The following NDUFAB1 variants were observed in gnomAD, a reference collection of about 807,000 sequenced individuals.
The protein encoded by NDUFAB1 is NADH:ubiquinone oxidoreductase subunit AB1.
A neutral mutation model predicts 16.1 loss-of-function variants in NDUFAB1; 5 were observed. The ratio of observed to expected loss-of-function variants is 0.31; its 90% confidence interval spans 0.16 to 0.65. The LOEUF is 0.65. Among genes scored for constraint, NDUFAB1 ranks in the 30% least tolerant of loss-of-function variants. The pLI, the probability that NDUFAB1 is intolerant of heterozygous loss-of-function variation, is 0.77. For missense variants in NDUFAB1, 187 were observed against 205.3 expected, an observed-to-expected ratio of 0.91 and a Z score of 0.54; for synonymous variants, 85 against 78.4, an observed-to-expected ratio of 1.08 and a Z score of -0.44.
Position 23,587,062 on chromosome 16 carries a change from T to C in NDUFAB1, c.291+135A>G. 7.6e-6 allele frequency: 6 copies of C among 785,642 alleles called. No homozygotes were observed. In the South Asian group the frequency reaches 8.8e-5, roughly 11 times the overall value. 48.7% of individuals were successfully genotyped at this position (785,642 alleles called of 1,614,324 possible). A position where few individuals can be genotyped will look rare whatever the true frequency, so the allele number is the denominator to read the frequency against. ...GAAACATACATGAAACTGGTAGCGCTGGCTATCTCCCAGAATGGGCCTGGG... is the reference window on the plus strand; with the variant it reads ...GAAACATACATGAAACTGGTAGCGCCGGCTATCTCCCAGAATGGGCCTGGG... On this transcript the variant is annotated intron_variant, in intron 2 of 4. Coordinates refer to ENST00000007516, the MANE Select transcript of NDUFAB1 (RefSeq NM_005003.3).
At chr16:23,582,927 C>T (rs1222631028) in intron 3 of NDUFAB1, among the ~76,000 whole-genome samples, 1 of 152,054 alleles carries the variant, frequency 6.6e-6, no homozygotes, top group African/African-American at 2.4e-5. Flanking sequence ...CCTGATTCTC[C>T]TGCCTCGGCC....
At chr16:23,596,097 G>A in intron 1 of NDUFAB1, 26 bp downstream of exon 1, 2 of 1,597,650 alleles carry the variant, frequency 1.3e-6, no homozygotes, top group East Asian at 2.3e-5. Flanking sequence ...CCCTTGCCAA[G>A]CGGCAGCAAA....
intron 2 of NDUFAB1, among the ~76,000 whole-genome samples, chr16:23,585,837 C>A (rs1264279690): frequency 3.9e-5 from 6 of 152,108 alleles, no homozygotes; most frequent in Admixed American, 2.6e-4. Flanking sequence ...TTATATGTAA[C>A]CTATGCTAGT....
At chr16:23,595,162 G>T (rs1217555826) in intron 1 of NDUFAB1, among the ~76,000 whole-genome samples, 1 of 152,110 alleles carries the variant, frequency 6.6e-6, no homozygotes, top group Non-Finnish European at 1.5e-5. Context: ...TGAGGGAGGA[G>T]AATTGCTTGA....
intron 3 of NDUFAB1, among the ~76,000 whole-genome samples, chr16:23,584,972 G>A (rs373360893): frequency 4.1e-4 from 62 of 152,338 alleles, no homozygotes; most frequent in African/African-American, 1.2e-3. Flanking sequence ...TACCTGGTTC[G>A]CGTTACCCGA....
Position 23,585,559 on chromosome 16 carries a change from C to G in NDUFAB1, c.292-136G>C. The G allele has an allele frequency of 7.8e-6, 5 of 637,694 alleles. 1 individual carries two copies. In the South Asian group the frequency reaches 9.0e-5, roughly 12 times the overall value. The allele number at this position is 637,694 out of a possible 1,614,324, so 39.5% of individuals were successfully genotyped here. A position where few individuals can be genotyped will look rare whatever the true frequency, so the allele number is the denominator to read the frequency against. Reference sequence around the variant, plus strand: ...TAAGTTTTAGGGTACATGTGCACAACGTGCAGGTTTGTTACATAGGTATAC... The same window carrying G: ...TAAGTTTTAGGGTACATGTGCACAAGGTGCAGGTTTGTTACATAGGTATAC... On this transcript the variant is annotated intron_variant, in intron 2 of 4. Coordinates refer to ENST00000007516, the MANE Select transcript of NDUFAB1 (RefSeq NM_005003.3).
At chr16:23,589,309 A>C (rs1194028031) in intron 1 of NDUFAB1, among the ~76,000 whole-genome samples, 1 of 152,096 alleles carries the variant, frequency 6.6e-6, no homozygotes, top group Non-Finnish European at 1.5e-5. Context: ...GAAAAAAAAA[A>C]AAAAAATCAG....
intron 1 of NDUFAB1, among the ~76,000 whole-genome samples, chr16:23,589,954 A>G (rs1490246763): frequency 1.5e-5 from 2 of 137,234 alleles, no homozygotes; most frequent in Non-Finnish European, 3.2e-5. Context: ...AAAAAAAAAA[A>G]AAAAAAAAAA....
intron 1 of NDUFAB1, 136 bp from the exon 2 acceptor site, chr16:23,587,455 CCAGGACA>C: frequency 9.3e-7 from 1 of 1,074,748 alleles, no homozygotes; most frequent in Non-Finnish European, 1.3e-6. Flanking sequence ...ATTGTGGCCA[CCAGGACA>C]CACTAAGTTG....
At chr16:23,592,288 G>C (rs976285607) in intron 1 of NDUFAB1, among the ~76,000 whole-genome samples, 10 of 148,996 alleles carry the variant, frequency 6.7e-5, no homozygotes, top group African/African-American at 2.5e-4. Context: ...AAGCTGCACT[G>C]ATATATGATC....
chr16:23,582,117 G>C (rs1004706831), intron 4 of NDUFAB1, 159 bp downstream of exon 4: 17 of 792,338 alleles, frequency 2.1e-5, no homozygotes, highest in Admixed American at 1.2e-4. Context: ...CACCAGGGCT[G>C]GGCCCCTTTG....
chr16:23,592,697 G>GC (rs1265834735), intron 1 of NDUFAB1, among the ~76,000 whole-genome samples: 3 of 152,044 alleles, frequency 2.0e-5, no homozygotes, highest in Non-Finnish European at 4.4e-5. Context: ...CTTGGTTTTT[G>GC]TTTTTTTGTT....
In NDUFAB1 at chr16:23,595,646, G is replaced by A. The variant is rs537259261; in HGVS notation, c.168+477C>T. 2.2e-4 allele frequency: 99 copies of A among 457,926 alleles called. 1 individual carries two copies. Among genetic ancestry groups the A allele is most frequent in the African/African-American group, 1.7e-3 (83 of 50,290 alleles). The allele number at this position is 457,926 out of a possible 1,614,324, so 28.4% of individuals were successfully genotyped here. A position where few individuals can be genotyped will look rare whatever the true frequency, so the allele number is the denominator to read the frequency against. On this transcript the variant is annotated intron_variant, in intron 1 of 4. Transcript: ENST00000007516. ...GGACACAGGCAGAAGGTGCTGCAGG[G>A]AAGAGTAAGGACAGAACTGCAGAGA...
At chr16:23,595,683 T>C (rs1244766623) in intron 1 of NDUFAB1, 3 of 460,742 alleles carry the variant, frequency 6.5e-6, no homozygotes, top group South Asian at 4.7e-5. Flanking sequence ...AAAACCGCTC[T>C]GGAGAAGGCT....
At chr16:23,582,756 C>A in intron 3 of NDUFAB1, among the ~76,000 whole-genome samples, 1 of 148,864 alleles carries the variant, frequency 6.7e-6, no homozygotes, top group East Asian at 2.0e-4. Flanking sequence ...TTCCCACGGT[C>A]TCCCTCTCCC....
At chr16:23,582,027 A>G (rs1317227948) in intron 4 of NDUFAB1, 6 of 308,494 alleles carry the variant, frequency 1.9e-5, no homozygotes, top group African/African-American at 4.4e-5. Context: ...ACTTTGTACA[A>G]TGTTCTGCTT....
Position 23,596,297 on chromosome 16 carries a change from G to A in NDUFAB1, c.-7C>T, listed in dbSNP as rs1262909158. The A allele has an allele frequency of 1.9e-6, 3 of 1,549,586 alleles. No homozygotes were observed. Among genetic ancestry groups the A allele is most frequent in the Non-Finnish European group, 1.7e-6 (2 of 1,149,808 alleles). ...AAAGGACACGAGACGCCATGGCTAC[G>A]CCAACCCAGGATGCACTGCGCCGCC... On this transcript the variant is annotated 5_prime_UTR_variant, in exon 1 of 5. Coordinates refer to ENST00000007516, the MANE Select transcript of NDUFAB1 (RefSeq NM_005003.3).
At chr16:23,587,374 C>T in intron 1 of NDUFAB1, 55 bp from the exon 2 acceptor site, 2 of 1,598,564 alleles carry the variant, frequency 1.3e-6, no homozygotes, top group Non-Finnish European at 1.7e-6. Context: ...ACCTCTAAAT[C>T]AATGCACAAG....
In NDUFAB1 at chr16:23,587,086, G is replaced by A. The variant is rs1597054214; in HGVS notation, c.291+111C>T. On this transcript the variant is annotated intron_variant, in intron 2 of 4. Transcript: ENST00000007516. ...CTGGCTATCTCCCAGAATGGGCCTG[G>A]GTGTCTGGGAGCCAGGGAGATTTTT... 5.6e-6 allele frequency: 6 copies of A among 1,074,180 alleles called. No homozygotes were observed. In the East Asian group the frequency reaches 9.7e-5, roughly 17 times the overall value. 66.5% of individuals were successfully genotyped at this position (1,074,180 alleles called of 1,614,324 possible). A position where few individuals can be genotyped will look rare whatever the true frequency, so the allele number is the denominator to read the frequency against.
Sources: gnomAD v4.1 joint callset for allele counts (sites outside exome capture counted in the v4.1 genomes callset) on GRCh38, gnomAD v4.1.1 for gene constraint, MANE v1.5 for transcripts, NCBI Gene and HGNC (gene_info 2026-07-23, HGNC 2026-07-21) for gene names.